CEP120: variants seen among roughly 807,000 people sequenced by gnomAD.
The protein encoded by CEP120 is centrosomal protein of 120 kDa.
Under a neutral mutation model 126.5 loss-of-function variants are expected in CEP120, and 113 were observed. That is an observed-to-expected ratio of 0.89 (90% CI 0.77 to 1.04). The LOEUF (loss-of-function observed/expected upper bound fraction) is 1.04, where lower values mean the gene tolerates loss of function less well. CEP120 is among the 50% of genes least tolerant of loss of function. CEP120 has a pLI of 0.00. For missense variants in CEP120, 1,230 were observed against 1,155.7 expected (o/e 1.06, Z -0.93); for synonymous variants, 400 against 394.3 (o/e 1.01, Z -0.17).
chr5:123,346,604 C>G lies in CEP120; in HGVS notation c.2876G>C (p.Gly959Ala). ...IEERDTLMRT[G>A]VYNHEDRIIS... ...TATTCGATCCTCGTGATTATACACA[C>G]CCGTTCTCATCAAAGTATCCCTTTC... The change falls in exon 20 of 20, where the codon GGT becomes GCT. Residue 959 changes from glycine to alanine, a missense_variant. By Grantham distance (60) the Gly-to-Ala change is moderately conservative. Coordinates refer to ENST00000306467, the MANE Select transcript of CEP120 (RefSeq NM_001375405.1). 1 of 1,614,008 alleles carries G rather than the reference C, an allele frequency of 6.2e-7. No homozygotes were observed. The highest frequency in any genetic ancestry group is 8.5e-7 in the Non-Finnish European group (1 of 1,179,968).
At chr5:123,416,214 T>C in intron 2 of CEP120, 90 bp from the exon 3 acceptor site, 5 of 750,402 alleles carry the variant, frequency 6.7e-6, no homozygotes, top group Non-Finnish European at 8.9e-6. Flanking sequence ...AAGATACTTA[T>C]AATTTTGTTG....
At chr5:123,396,484 C>G (rs1772800086) in intron 5 of CEP120, among the ~76,000 whole-genome samples, 1 of 151,700 alleles carries the variant, frequency 6.6e-6, no homozygotes, top group Non-Finnish European at 1.5e-5. Context: ...ACCTGTATTA[C>G]CAAGAACTGT....
intron 4 of CEP120, chr5:123,403,548 T>C (rs73799308): frequency 0.054 from 17,640 of 324,638 alleles, 714 homozygotes; most frequent in East Asian, 0.099. Context: ...AATATATTCA[T>C]AATTTCACAA....
chr5:123,402,809 A>T (rs547057306), intron 4 of CEP120, among the ~76,000 whole-genome samples: 1 of 152,236 alleles, frequency 6.6e-6, no homozygotes, highest in Non-Finnish European at 1.5e-5. Flanking sequence ...TTAATGGCCA[A>T]TGTGATGGTA....
chr5:123,382,203 A>C lies in CEP120; in HGVS notation c.2014-3T>G. On this transcript the variant is annotated splice_region_variant and splice_polypyrimidine_tract_variant and intron_variant, in intron 13 of 19. Transcript: ENST00000306467. ...TGAGCCAGTTCTTTCTGCTTCAGCT[A>C]CAAAAGGAAGAAAAATAAAGTCGCC... The C allele has an allele frequency of 6.3e-7, 1 of 1,595,582 alleles. No homozygotes were observed.
At chr5:123,407,803 C>T (rs1773795365) in intron 4 of CEP120, among the ~76,000 whole-genome samples, 1 of 152,154 alleles carries the variant, frequency 6.6e-6, no homozygotes, top group Admixed American at 6.5e-5. Context: ...TTCACCAAGA[C>T]AGAGCAATTC....
chr5:123,422,830 C>T, intron 1 of CEP120, 120 bp downstream of exon 1: 1 of 962,800 alleles, frequency 1.0e-6, no homozygotes, highest in Non-Finnish European at 1.7e-6. Flanking sequence ...TTGAACAAGT[C>T]TGTGGGGACC....
chr5:123,363,574 C>G (rs1770244264), intron 18 of CEP120, among the ~76,000 whole-genome samples: 1 of 151,442 alleles, frequency 6.6e-6, no homozygotes. Context: ...ACATATATAT[C>G]TACCTGTCTT....
At chr5:123,383,527 T>G (rs1450076184) in intron 11 of CEP120, among the ~76,000 whole-genome samples, 2 of 152,158 alleles carry the variant, frequency 1.3e-5, no homozygotes, top group East Asian at 3.9e-4. Context: ...AATGTGATTT[T>G]TTTTTTACTG....
At chr5:123,360,215 G>A (rs1359814536) in intron 18 of CEP120, among the ~76,000 whole-genome samples, 1 of 151,926 alleles carries the variant, frequency 6.6e-6, no homozygotes, top group Non-Finnish European at 1.5e-5. Context: ...AAAAGTTTAA[G>A]GAAAAGAAAT....
rs1485171520 is a variant in CEP120 at position 123,344,990 on chromosome 5, A to C, written c.*1529T>G. Reference sequence around the variant, plus strand: ...CATCCATTTTAGAAAAGTCCTTTTTATTTCTTTAAATCAGAGGCCCCCTCT... The same window carrying C: ...CATCCATTTTAGAAAAGTCCTTTTTCTTTCTTTAAATCAGAGGCCCCCTCT... On this transcript the variant is annotated 3_prime_UTR_variant, in exon 20 of 20. Coordinates refer to ENST00000306467, the MANE Select transcript of CEP120 (RefSeq NM_001375405.1). The C allele has an allele frequency of 6.6e-6, 1 of 152,176 alleles. No individual in the cohort carries two copies. Among genetic ancestry groups the C allele is most frequent in the Non-Finnish European group, 1.5e-5 (1 of 68,008 alleles). The allele number at this position is 152,176 out of a possible 1,614,324, so 9.4% of individuals were successfully genotyped here.
In CEP120 at chr5:123,412,465, C is replaced by G. The variant is rs1774126692; in HGVS notation, c.397G>C (p.Glu133Gln). 1.9e-6 allele frequency: 3 copies of G among 1,611,770 alleles called. No individual in the cohort carries two copies. The East Asian group carries it at 6.7e-5, about 36-fold the overall frequency. The change falls in exon 4 of 20, where the codon GAA (glutamate) becomes CAA (glutamine). Residue 133 changes from glutamate to glutamine, a missense_variant. By Grantham distance (29) the Glu-to-Gln change is conservative. Coordinates refer to ENST00000306467, the MANE Select transcript of CEP120 (RefSeq NM_001375405.1). ...TCCACTGGTGGCTTTGTATCGGTTT[C>G]CAAAGCAATACTTATCTGTATCTCA... ...KSEIQISIAL[E>Q]TDTKPPVDSF...
chr5:123,366,317 A>G (rs10478579), intron 17 of CEP120, among the ~76,000 whole-genome samples: 44,057 of 151,390 alleles, frequency 0.29, 6,738 homozygotes, highest in African/African-American at 0.35. Context: ...ACTTCTGGAA[A>G]CCTTTGTACT....
chr5:123,374,567 T>C (rs912943155), intron 16 of CEP120, among the ~76,000 whole-genome samples: 2 of 152,200 alleles, frequency 1.3e-5, no homozygotes, highest in East Asian at 3.9e-4. Flanking sequence ...ATAAACCAAT[T>C]GTCTCTTCCC....
chr5:123,382,557 C>T (rs2561275), intron 13 of CEP120, among the ~76,000 whole-genome samples, 180 bp downstream of exon 13: 1 of 152,046 alleles, frequency 6.6e-6, no homozygotes, highest in Non-Finnish European at 1.5e-5. Flanking sequence ...GTGGCTTCTG[C>T]CAAGGTGCCA....
chr5:123,357,586 C>T (rs1013389926), intron 18 of CEP120, among the ~76,000 whole-genome samples: 7 of 151,978 alleles, frequency 4.6e-5, no homozygotes, highest in East Asian at 1.9e-4. Flanking sequence ...ATGTAAGTGG[C>T]GTGGCAAAAC....
chr5:123,385,071 A>G lies in CEP120; in HGVS notation c.1643T>C (p.Ile548Thr). ...DKMSKDLLLG[I>T]ARIQLSNILS... Reference sequence around the variant, plus strand: ...GATGTTAGAAAGCTGGATTCTCGCAATTCCCAGAAGTAAATCTTTACTCAT... The same window carrying G: ...GATGTTAGAAAGCTGGATTCTCGCAGTTCCCAGAAGTAAATCTTTACTCAT... Residue 548 changes from isoleucine (I) to threonine (T), a missense_variant, in exon 11 of 20, where the codon ATT (isoleucine) becomes ACT (threonine). Coordinates refer to ENST00000306467, the MANE Select transcript of CEP120 (RefSeq NM_001375405.1). The G allele has an allele frequency of 1.9e-6, 3 of 1,613,824 alleles. No homozygotes were observed. Among genetic ancestry groups the G allele is most frequent in the Non-Finnish European group, 2.5e-6 (3 of 1,179,812 alleles).
In CEP120 at chr5:123,418,397, T is replaced by C; in HGVS notation, c.168A>G (p.Leu56=). 1.9e-6 allele frequency: 3 copies of C among 1,611,094 alleles called. No individual in the cohort carries two copies. The highest frequency in any genetic ancestry group is 2.5e-6 in the Non-Finnish European group (3 of 1,178,052). The stretch of plus-strand genomic sequence containing the variant: ...GCGCTTTCCTGTCAATTTCCCAAGC[T>C]AACTCAGTAGCAAATTCTGGCTGGT... ...HTDQPEFATE[L]AWEIDRKALH... The change falls in exon 2 of 20, where the codon TTA becomes TTG. Residue 56 remains leucine, a synonymous_variant. Transcript: ENST00000306467.
chr5:123,353,190 C>T (rs1769320724), intron 18 of CEP120, among the ~76,000 whole-genome samples: 1 of 151,888 alleles, frequency 6.6e-6, no homozygotes, highest in Admixed American at 6.6e-5. Flanking sequence ...TCTCTCATTT[C>T]TGATCTCAGA....
Sources: gnomAD v4.1 joint callset for allele counts (sites outside exome capture counted in the v4.1 genomes callset) on GRCh38, gnomAD v4.1.1 for gene constraint, MANE v1.5 for transcripts, NCBI Gene and HGNC (gene_info 2026-07-23, HGNC 2026-07-21) for gene names.